The following PPIE variants were observed in gnomAD, a reference collection of about 807,000 sequenced individuals.
PPIE encodes peptidyl-prolyl cis-trans isomerase E.
Under a neutral mutation model 38.4 loss-of-function variants are expected in PPIE, and 20 were observed. The ratio of observed to expected loss-of-function variants is 0.52; its 90% confidence interval spans 0.37 to 0.76. The LOEUF (loss-of-function observed/expected upper bound fraction) is 0.76, where lower values mean the gene tolerates loss of function less well. Among genes scored for constraint, PPIE ranks in the 30% least tolerant of loss-of-function variants. The probability of loss-of-function intolerance (pLI) is 0.00; values close to 1 mark genes in which losing one functional copy is unlikely to be tolerated. For missense variants in PPIE, 322 were observed against 385.8 expected (o/e 0.83, Z 1.39); for synonymous variants, 142 against 135.7 (o/e 1.05, Z -0.32).
exon 10 of PPIE, chr1:39,763,820 T>C (rs776330585): frequency 6.3e-7 from 1 of 1,596,016 alleles, no homozygotes; most frequent in Non-Finnish European, 8.6e-7. Context: ...CAAGGTCTTT[T>C]CTGGGGTTCC....
At chr1:39,761,670 A>G (rs1024326412), downstream of PPIE, among the ~76,000 whole-genome samples, 2 of 152,028 alleles carry the variant, frequency 1.3e-5, no homozygotes, top group African/African-American at 4.8e-5. Flanking sequence ...GAACCTGCCA[A>G]GCTCACTGCT....
intron 9 of PPIE, chr1:39,762,587 G>A: frequency 1.3e-6 from 2 of 1,549,808 alleles, no homozygotes; most frequent in Non-Finnish European, 8.7e-7. Flanking sequence ...GAGAGAAACT[G>A]GGGGAAAAGC....
chr1:39,749,233 A>C, intron 8 of PPIE, 145 bp downstream of exon 8: 1 of 834,732 alleles, frequency 1.2e-6, no homozygotes, highest in Non-Finnish European at 1.9e-6. Context: ...AGAACCATGC[A>C]GCCTTGCTAG....
chr1:39,749,045 G>C lies in PPIE; in HGVS notation c.651G>C (p.Lys217Asn), dbSNP rs1346058533. 4 of 1,609,840 alleles carry C rather than the reference G, an allele frequency of 2.5e-6. No individual in the cohort carries two copies. In the African/African-American group the frequency reaches 5.4e-5, roughly 22 times the overall value. The change falls in exon 8 of 10, where the codon AAG becomes AAC. Residue 217 changes from lysine to asparagine, a missense_variant. Transcript: ENST00000324379. Reference sequence around the variant, plus strand: ...CTGGGGGCAAGTCCATCTATGGGAAGAAGTTCGATGATGAAAACTTTATCC... The same window carrying C: ...CTGGGGGCAAGTCCATCTATGGGAACAAGTTCGATGATGAAAACTTTATCC... ...NGTGGKSIYG[K>N]KFDDENFILK...
At chr1:39,740,367 A>G (rs1647028447) in intron 2 of PPIE, 104 bp downstream of exon 2, 3 of 884,550 alleles carry the variant, frequency 3.4e-6, no homozygotes, top group East Asian at 2.7e-5. Context: ...TATGGTTAGT[A>G]TACACTACAG....
chr1:39,739,386 T>G (rs1450077272), intron 1 of PPIE: 1 of 163,010 alleles, frequency 6.1e-6, no homozygotes, highest in African/African-American at 2.4e-5. Context: ...ATTATGGCCC[T>G]TCGGATCCTC....
chr1:39,740,971 A>G (rs1426135853), intron 2 of PPIE, among the ~76,000 whole-genome samples: 1 of 152,214 alleles, frequency 6.6e-6, no homozygotes, highest in Non-Finnish European at 1.5e-5. Flanking sequence ...AAGACTGAGC[A>G]TCTTTATCAG....
Position 39,743,198 on chromosome 1 carries a change from G to A in PPIE, c.202-18G>A. 1 of 1,611,278 alleles carries A rather than the reference G, an allele frequency of 6.2e-7. No individual in the cohort carries two copies. The highest frequency in any genetic ancestry group is 1.7e-5 in the Admixed American group (1 of 60,020). On this transcript the variant is annotated intron_variant, in intron 4 of 9. Coordinates refer to ENST00000324379, the MANE Select transcript of PPIE (RefSeq NM_006112.4). ...TAACCTAAGAGAGTTTAAGCAGCTGGATTTTCAATCTTTTCAGAATGAATC... is the reference window on the plus strand; with the variant it reads ...TAACCTAAGAGAGTTTAAGCAGCTGAATTTTCAATCTTTTCAGAATGAATC...
rs138246844 is a variant in PPIE, at chr1:39,763,173, C to G, written c.838-516C>G. The stretch of plus-strand genomic sequence containing the variant: ...AGCACTCCCCCTCACAGTAATAGGC[C>G]GAGTAGCCTTGGGGAGCGATGACCC... On this transcript the variant is annotated intron_variant, in intron 9 of 9. Transcript: ENST00000356511. 3.4e-4 allele frequency: 541 copies of G among 1,613,602 alleles called. No homozygotes were observed. The highest frequency in any genetic ancestry group is 4.3e-4 in the Non-Finnish European group (505 of 1,179,876).
At chr1:39,751,504 C>T (rs894293719) in intron 8 of PPIE, among the ~76,000 whole-genome samples, 1 of 152,032 alleles carries the variant, frequency 6.6e-6, no homozygotes, top group South Asian at 2.1e-4. Flanking sequence ...TATAGGTGCA[C>T]GCCATCCATA....
At chr1:39,739,066 C>T (rs1166156841) in intron 1 of PPIE, 135 bp downstream of exon 1, 8 of 995,492 alleles carry the variant, frequency 8.0e-6, no homozygotes, top group Admixed American at 4.2e-5. Context: ...GTAGTGCTGG[C>T]GATAGCTCTG....
chr1:39,763,382 G>C (rs1274866431), intron 9 of PPIE, among the ~76,000 whole-genome samples: 1 of 145,556 alleles, frequency 6.9e-6, no homozygotes, highest in African/African-American at 2.6e-5. Flanking sequence ...TCTTCACTTT[G>C]CGTCCCCTCC....
At chr1:39,757,283 T>C (rs1648383538), downstream of PPIE, 1 of 152,262 alleles carries the variant, frequency 6.6e-6, no homozygotes, top group Non-Finnish European at 1.5e-5. Context: ...TAAGCATTTA[T>C]ATGTCAGACA....
intron 2 of PPIE, among the ~76,000 whole-genome samples, chr1:39,740,764 T>C (rs1647037092): frequency 6.6e-6 from 1 of 152,244 alleles, no homozygotes; most frequent in African/African-American, 2.4e-5. Context: ...TTTAAGATTA[T>C]AGTTTTAGGC....
chr1:39,744,109 G>A (rs113609208), intron 6 of PPIE, among the ~76,000 whole-genome samples, 185 bp downstream of exon 6: 1,691 of 152,296 alleles, frequency 0.011, 37 homozygotes, highest in African/African-American at 0.038. Context: ...AATATCGAGT[G>A]AATTCAAGGG....
chr1:39,741,834 A>C (rs1647064962), intron 3 of PPIE, 61 bp from the exon 4 acceptor site: 1 of 1,599,350 alleles, frequency 6.3e-7, no homozygotes, highest in African/African-American at 1.3e-5. Flanking sequence ...GCATGTGTTT[A>C]GACACCATAA....
chr1:39,763,045 A>G lies in PPIE; in HGVS notation c.838-644A>G. The G allele has an allele frequency of 1.9e-6, 3 of 1,596,930 alleles. 1 individual carries two copies. Among genetic ancestry groups the G allele is most frequent in the East Asian group, 4.5e-5 (2 of 44,772 alleles). Reference sequence around the variant, plus strand: ...CCAGCTGGACCAGACCCCTCTCCACAGGGCCCCCCACCCCAGGGGGCTGGG... The same window carrying G: ...CCAGCTGGACCAGACCCCTCTCCACGGGGCCCCCCACCCCAGGGGGCTGGG... On this transcript the variant is annotated intron_variant, in intron 9 of 9. Coordinates refer to the PPIE transcript ENST00000356511.
intron 4 of PPIE, 33 bp from the exon 5 acceptor site, chr1:39,743,183 G>T (rs1200950063): frequency 6.3e-7 from 1 of 1,589,820 alleles, no homozygotes; most frequent in African/African-American, 1.3e-5. Context: ...TAACCTAAGA[G>T]AGTTTAAGCA....
intron 7 of PPIE, chr1:39,745,724 A>C: frequency 1.9e-6 from 1 of 538,444 alleles, no homozygotes; most frequent in Non-Finnish European, 3.2e-6. Flanking sequence ...TAAAAATACA[A>C]GTAAATAATG....
Sources: gnomAD v4.1 joint callset for allele counts (sites outside exome capture counted in the v4.1 genomes callset) on GRCh38, gnomAD v4.1.1 for gene constraint, MANE v1.5 for transcripts, NCBI Gene and HGNC (gene_info 2026-07-23, HGNC 2026-07-21) for gene names.